Variants in PDE11A observed in about 807,000 individuals in gnomAD.
PDE11A encodes dual 3',5'-cyclic-AMP and -GMP phosphodiesterase 11A.
In PDE11A, 100 loss-of-function variants were observed where a neutral mutation model predicts 100.5. The observed-to-expected ratio is 1.00, with a 90% confidence interval of 0.85 to 1.18. The LOEUF (loss-of-function observed/expected upper bound fraction) is 1.18, where lower values mean the gene tolerates loss of function less well. Among genes scored for constraint, PDE11A ranks in the 50% most tolerant of loss-of-function variants. The probability of loss-of-function intolerance (pLI) is 0.00; values close to 1 mark genes in which losing one functional copy is unlikely to be tolerated. For synonymous variants in PDE11A, 381 were observed against 420.8 expected, an observed-to-expected ratio of 0.91 and a Z score of 1.16; for missense variants, 1,141 against 1,152.6, an observed-to-expected ratio of 0.99 and a Z score of 0.15.
chr2:177,769,270 G>T, intron 10 of PDE11A, 53 bp downstream of exon 10: 3 of 1,004,986 alleles, frequency 3.0e-6, no homozygotes, highest in Middle Eastern at 2.1e-4. Flanking sequence ...AGCTCAGGAG[G>T]CCAGGAGAAG....
intron 5 of PDE11A, among the ~76,000 whole-genome samples, chr2:177,873,650 C>A (rs942571264): frequency 6.6e-6 from 1 of 152,086 alleles, no homozygotes; most frequent in African/African-American, 2.4e-5. Flanking sequence ...CATCACAACC[C>A]TCTACCCCTT....
At chr2:177,721,132 A>G (rs2081520454) in intron 12 of PDE11A, among the ~76,000 whole-genome samples, 1 of 152,194 alleles carries the variant, frequency 6.6e-6, no homozygotes, top group Admixed American at 6.6e-5. Flanking sequence ...GTTTATTAGC[A>G]TAAATTTCAA....
chr2:177,805,494 T>C (rs954058718), intron 9 of PDE11A, among the ~76,000 whole-genome samples: 2 of 152,234 alleles, frequency 1.3e-5, no homozygotes, highest in East Asian at 3.9e-4. Flanking sequence ...AAAGCACAGA[T>C]AACAACATTA....
chr2:177,721,619 T>C (rs577488211), intron 12 of PDE11A, among the ~76,000 whole-genome samples: 156 of 152,326 alleles, frequency 1.0e-3, no homozygotes, highest in African/African-American at 3.8e-3. Flanking sequence ...ATTTGTGCTT[T>C]ATGATTTTTT....
chr2:177,623,818 T>G lies in PDE11A; in HGVS notation c.*5589A>C, dbSNP rs1039172895. 1 of 152,242 alleles carries G rather than the reference T, an allele frequency of 6.6e-6. No homozygotes were observed. Among genetic ancestry groups the G allele is most frequent in the Non-Finnish European group, 1.5e-5 (1 of 68,042 alleles). The allele number at this position is 152,242 out of a possible 1,614,324, so 9.4% of individuals were successfully genotyped here. ...GTTATACAGATAAACAATTTATCTT[T>G]AGCAGTGAGGAGAGAGGTACCAAAC... On this transcript the variant is annotated 3_prime_UTR_variant, in exon 20 of 20. Coordinates refer to ENST00000286063, the MANE Select transcript of PDE11A (RefSeq NM_016953.4).
intron 2 of PDE11A, among the ~76,000 whole-genome samples, chr2:177,917,643 G>C (rs2084973132): frequency 6.6e-6 from 1 of 152,138 alleles, no homozygotes; most frequent in African/African-American, 2.4e-5. Flanking sequence ...TCATCAGAAA[G>C]TATCTCCAAT....
chr2:178,073,811 T>A (rs1200348712), upstream of PDE11A, among the ~76,000 whole-genome samples: 2 of 152,096 alleles, frequency 1.3e-5, no homozygotes, highest in African/African-American at 4.8e-5. Context: ...TATTTTAAAA[T>A]CTCTTTCCAA....
At chr2:177,733,928 T>C (rs1426485911) in intron 10 of PDE11A, among the ~76,000 whole-genome samples, 3 of 152,210 alleles carry the variant, frequency 2.0e-5, no homozygotes, top group African/African-American at 7.2e-5. Context: ...AATAAGTTGG[T>C]CAAATTTGCA....
rs1290092992 is a variant in PDE11A, at chr2:177,853,707, TG to T, written c.1368-13325del. 3.4e-4 allele frequency among the ~76,000 whole-genome samples: 12 copies of T among 34,798 alleles called. 1 individual carries two copies. The highest frequency in any genetic ancestry group is 7.6e-4 in the Non-Finnish European group (12 of 15,844). The allele number at this position is 34,798 out of a possible 152,430, so 22.8% of individuals were successfully genotyped here. A position where few individuals can be genotyped will look rare whatever the true frequency, so the allele number is the denominator to read the frequency against. On this transcript the variant is annotated intron_variant, in intron 5 of 19. Coordinates refer to ENST00000286063, the MANE Select transcript of PDE11A (RefSeq NM_016953.4). Reference sequence around the variant, plus strand: ...GTGTGTGTGTGTGTGTGTGTGTGTGTGTGTGTTTGTGTGTGTGTGTGTGTAT... The same window carrying T: ...GTGTGTGTGTGTGTGTGTGTGTGTGTTGTGTTTGTGTGTGTGTGTGTGTAT...
intron 3 of PDE11A, among the ~76,000 whole-genome samples, chr2:177,903,097 C>T (rs2084724111): frequency 6.6e-6 from 1 of 152,158 alleles, no homozygotes; most frequent in Non-Finnish European, 1.5e-5. Context: ...CCTCCACGTC[C>T]TCATTTTATT....
At chr2:177,700,098 C>T (rs1166376482) in intron 14 of PDE11A, among the ~76,000 whole-genome samples, 2 of 152,142 alleles carry the variant, frequency 1.3e-5, no homozygotes, top group African/African-American at 4.8e-5. Context: ...TGGCTTCTGC[C>T]AGTTACTGAG....
chr2:177,789,000 A>G (rs2082586062), intron 9 of PDE11A, among the ~76,000 whole-genome samples: 1 of 152,240 alleles, frequency 6.6e-6, no homozygotes, highest in Admixed American at 6.5e-5. Context: ...AACTATTCCA[A>G]TCAACAGAAA....
chr2:177,633,886 G>A (rs189266171), intron 19 of PDE11A, among the ~76,000 whole-genome samples: 181 of 152,104 alleles, frequency 1.2e-3, no homozygotes, highest in Admixed American at 3.9e-3. Flanking sequence ...TTAATCCCAG[G>A]AGCATAAATT....
At chr2:177,750,286 C>G (rs563240782) in intron 10 of PDE11A, among the ~76,000 whole-genome samples, 1 of 152,224 alleles carries the variant, frequency 6.6e-6, no homozygotes, top group Non-Finnish European at 1.5e-5. Context: ...AACAAATTTT[C>G]TTTTCAGGGT....
chr2:177,955,991 T>C (rs1421564158), intron 2 of PDE11A, among the ~76,000 whole-genome samples: 1 of 152,074 alleles, frequency 6.6e-6, no homozygotes, highest in Non-Finnish European at 1.5e-5. Context: ...ATTCAGGACA[T>C]AGGCATGGGC....
intron 9 of PDE11A, among the ~76,000 whole-genome samples, chr2:177,805,352 C>T (rs536529921): frequency 7.2e-5 from 11 of 152,026 alleles, no homozygotes; most frequent in Non-Finnish European, 1.5e-4. Context: ...TTTGCCTCCA[C>T]ATTCTAAGCT....
chr2:177,786,243 T>C (rs1366455454), intron 9 of PDE11A, among the ~76,000 whole-genome samples: 2 of 152,248 alleles, frequency 1.3e-5, no homozygotes, highest in African/African-American at 4.8e-5. Flanking sequence ...AAATCCGCTG[T>C]TCTGCAGCCA....
At chr2:177,784,663 TA>T (rs1160556471) in intron 9 of PDE11A, among the ~76,000 whole-genome samples, 9 of 152,242 alleles carry the variant, frequency 5.9e-5, no homozygotes, top group Non-Finnish European at 7.3e-5. Context: ...CTTTATACTT[TA>T]TTGCTGGCTC....
intron 1 of PDE11A, chr2:178,038,846 A>G (rs2086648427): frequency 6.6e-6 from 1 of 152,158 alleles, no homozygotes; most frequent in African/African-American, 2.4e-5. Context: ...ATTCACTGTA[A>G]AGAGGAAGAT....
Sources: allele counts gnomAD v4.1 joint callset (sites outside exome capture counted in the v4.1 genomes callset), GRCh38; gene constraint gnomAD v4.1.1; transcripts MANE v1.5; gene names NCBI Gene and HGNC (gene_info 2026-07-23, HGNC 2026-07-21).